PKD1L1: variants seen among roughly 807,000 people sequenced by gnomAD.
PKD1L1 encodes polycystin 1 like 1, transient receptor potential channel interacting, also known as polycystin-1-like protein 1.
Under a neutral mutation model 323.4 loss-of-function variants are expected in PKD1L1, and 236 were observed. That is an observed-to-expected ratio of 0.73 (90% CI 0.66 to 0.81). PKD1L1 has a LOEUF of 0.81. Among genes scored for constraint, PKD1L1 ranks in the 40% least tolerant of loss-of-function variants. The pLI, the probability that PKD1L1 is intolerant of heterozygous loss-of-function variation, is 0.00. For synonymous variants in PKD1L1, 1,344 were observed against 1,335.0 expected (o/e 1.01, Z -0.15); for missense variants, 3,320 against 3,508.0 (o/e 0.95, Z 1.35).
chr7:47,788,578 T>TATATATA (rs372725570), intron 56 of PKD1L1, among the ~76,000 whole-genome samples: 112 of 71,916 alleles, frequency 1.6e-3, no homozygotes, highest in South Asian at 2.2e-3. Context: ...TATATATATA[T>TATATATA]TTTTTTTTTT....
intron 56 of PKD1L1, among the ~76,000 whole-genome samples, chr7:47,781,920 C>CTAT (rs1274366963): frequency 2.6e-5 from 4 of 152,084 alleles, no homozygotes; most frequent in African/African-American, 9.7e-5. Flanking sequence ...GTCAAAAATG[C>CTAT]TATTCTTCCT....
At chr7:47,877,398 G>C (rs1356006867) in intron 22 of PKD1L1, 91 bp downstream of exon 22, 18 of 1,516,528 alleles carry the variant, frequency 1.2e-5, no homozygotes, top group Middle Eastern at 2.4e-4. Flanking sequence ...GAAGGACATT[G>C]CTGTCCATTC....
chr7:47,916,908 A>C (rs1344632217), intron 7 of PKD1L1, among the ~76,000 whole-genome samples: 1 of 152,198 alleles, frequency 6.6e-6, no homozygotes, highest in Non-Finnish European at 1.5e-5. Flanking sequence ...GTAATATGAC[A>C]AAACAAGGTT....
At chr7:47,878,453 A>G (rs1411566638) in intron 21 of PKD1L1, among the ~76,000 whole-genome samples, 4 of 152,232 alleles carry the variant, frequency 2.6e-5, no homozygotes, top group African/African-American at 7.2e-5. Context: ...GATGATCATC[A>G]TCCTCATCGT....
intron 45 of PKD1L1, among the ~76,000 whole-genome samples, chr7:47,826,865 G>T (rs185314360): frequency 2.0e-5 from 3 of 152,220 alleles, no homozygotes; most frequent in Admixed American, 2.0e-4. Flanking sequence ...GTGCATATCT[G>T]AATATTAAAC....
intron 56 of PKD1L1, among the ~76,000 whole-genome samples, chr7:47,782,983 A>G (rs1786729648): frequency 6.6e-6 from 1 of 152,110 alleles, no homozygotes; most frequent in Non-Finnish European, 1.5e-5. Context: ...TGGATGAGGT[A>G]TGTCTTTGGG....
chr7:47,943,394 A>G lies in PKD1L1; in HGVS notation c.160+2T>C. On this transcript the variant is annotated splice_donor_variant, in intron 2 of 56. Coordinates refer to ENST00000289672, the MANE Select transcript of PKD1L1 (RefSeq NM_138295.5). LOFTEE classifies it high-confidence loss of function. The stretch of plus-strand genomic sequence containing the variant: ...GCCATGCCTCCTTCCCCAAGGCCTT[A>G]CCGACCCACAATCCACCTCCAGGAG... The G allele has an allele frequency of 6.2e-7, 1 of 1,612,308 alleles. No homozygotes were observed. The highest frequency in any genetic ancestry group is 1.7e-4 in the Middle Eastern group (1 of 6,050).
chr7:47,860,060 T>A (rs1437931090), intron 26 of PKD1L1, among the ~76,000 whole-genome samples: 1 of 152,228 alleles, frequency 6.6e-6, no homozygotes, highest in Non-Finnish European at 1.5e-5. Flanking sequence ...TATTCTCTAC[T>A]TAACTTTAAA....
intron 47 of PKD1L1, among the ~76,000 whole-genome samples, chr7:47,814,394 T>C (rs1784970328): frequency 6.6e-6 from 1 of 152,212 alleles, no homozygotes; most frequent in African/African-American, 2.4e-5. Flanking sequence ...CTTTTTTAAA[T>C]TTAAAGACAG....
intron 46 of PKD1L1, 87 bp from the exon 47 acceptor site, chr7:47,815,544 T>C (rs1327394321): frequency 4.8e-6 from 7 of 1,449,538 alleles, no homozygotes; most frequent in Non-Finnish European, 6.6e-6. Context: ...TCTTGCCAAT[T>C]TTTCTCTCAT....
chr7:47,908,902 T>C (rs76994240), intron 8 of PKD1L1, among the ~76,000 whole-genome samples: 2,558 of 152,256 alleles, frequency 0.017, 71 homozygotes, highest in African/African-American at 0.058. Context: ...CATTTCCATG[T>C]GAATAGCCTG....
rs1562975613 is a variant in PKD1L1, at chr7:47,890,594, T to G, written c.2623A>C (p.Asn875His). The change falls in exon 16 of 57, where the codon AAC becomes CAC. Residue 875 changes from asparagine to histidine, a missense_variant. Asn to His is a moderately conservative substitution (Grantham distance 68). Transcript: ENST00000289672. Reference sequence around the variant, plus strand: ...AGGAACACCCGGGTCTCAGAAGAGTTCCGGCCACCACTGGAGACCCTCAGC... The same window carrying G: ...AGGAACACCCGGGTCTCAGAAGAGTGCCGGCCACCACTGGAGACCCTCAGC... The part of the protein sequence containing the change: ...VMLRVSSGGR[N>H]SSETRVFLSP... 1 of 1,614,072 alleles carries G rather than the reference T, an allele frequency of 6.2e-7. No homozygotes were observed. Among genetic ancestry groups the G allele is most frequent in the South Asian group, 1.1e-5 (1 of 91,066 alleles).
rs1444534967 is a variant in PKD1L1 at position 47,890,778 on chromosome 7, A to G, written c.2454-15T>C. 1 of 1,610,634 alleles carries G rather than the reference A, an allele frequency of 6.2e-7. No homozygotes were observed. The highest frequency in any genetic ancestry group is 1.3e-5 in the African/African-American group (1 of 74,958). On this transcript the variant is annotated splice_polypyrimidine_tract_variant and intron_variant, in intron 15 of 56. Transcript: ENST00000289672. ...CCCAGTGATACCTGTTGGAGAAGTC[A>G]TCGGAGTGGCTGAGGGGAGCATCAG... is the stretch of plus-strand genomic sequence containing the variant.
intron 15 of PKD1L1, among the ~76,000 whole-genome samples, chr7:47,892,516 G>A (rs1307015572): frequency 1.3e-5 from 2 of 152,154 alleles, no homozygotes; most frequent in African/African-American, 2.4e-5. Context: ...GTGAAGTAAA[G>A]TCTTCTGACT....
intron 24 of PKD1L1, among the ~76,000 whole-genome samples, chr7:47,868,567 T>G (rs1232051546): frequency 6.6e-6 from 1 of 151,844 alleles, no homozygotes; most frequent in Non-Finnish European, 1.5e-5. Flanking sequence ...TGCTCTCTTC[T>G]CCAGTTTCTT....
Position 47,803,496 on chromosome 7 carries a change from C to T in PKD1L1, c.7828-152G>A, listed in dbSNP as rs1418032736. 3 of 849,990 alleles carry T rather than the reference C, an allele frequency of 3.5e-6. No homozygotes were observed. The African/African-American group carries it at 5.1e-5, about 14-fold the overall frequency. The allele number at this position is 849,990 out of a possible 1,614,324, so 52.7% of individuals were successfully genotyped here. ...TCCGAGGGACATCAAGTGCAGATGT[C>T]TGCAGAGGAGAATGAGTTGGAACTA... On this transcript the variant is annotated intron_variant, in intron 52 of 56. Coordinates refer to ENST00000289672, the MANE Select transcript of PKD1L1 (RefSeq NM_138295.5).
chr7:47,818,044 GTTC>G, intron 46 of PKD1L1: 1 of 1,367,354 alleles, frequency 7.3e-7, no homozygotes, highest in Non-Finnish European at 9.8e-7. Flanking sequence ...TTGGGTGCTG[GTTC>G]TTAACTCTGG....
chr7:47,856,699 AT>A (rs1194071861), intron 28 of PKD1L1, among the ~76,000 whole-genome samples: 5 of 152,220 alleles, frequency 3.3e-5, no homozygotes, highest in African/African-American at 1.2e-4. Context: ...AGGTAAAAAA[AT>A]CATTTTAATT....
chr7:47,939,360 A>T (rs1340957010), intron 3 of PKD1L1, among the ~76,000 whole-genome samples: 1 of 152,230 alleles, frequency 6.6e-6, no homozygotes, highest in Admixed American at 6.5e-5. Context: ...CAAGGACAGC[A>T]GAGGTTCTGG....
Sources: gnomAD v4.1 joint callset for allele counts (sites outside exome capture counted in the v4.1 genomes callset) on GRCh38, gnomAD v4.1.1 for gene constraint, MANE v1.5 for transcripts, NCBI Gene and HGNC (gene_info 2026-07-23, HGNC 2026-07-21) for gene names.